CHL1: variants seen among roughly 807,000 people sequenced by gnomAD.
The protein encoded by CHL1 is neural cell adhesion molecule L1-like protein.
A neutral mutation model predicts 141.9 loss-of-function variants in CHL1; 96 were observed. The ratio of observed to expected loss-of-function variants is 0.68; its 90% CI spans 0.57 to 0.80. The LOEUF (loss-of-function observed/expected upper bound fraction) is 0.80. CHL1 is among the 30% of genes least tolerant of loss of function. CHL1 has a pLI of 0.00. For missense variants in CHL1, 1,820 were observed against 1,457.2 expected (o/e 1.25, Z -4.05); for synonymous variants, 613 against 502.2 (o/e 1.22, Z -2.95).
intron 2 of CHL1, among the ~76,000 whole-genome samples, chr3:281,353 G>A (rs1696636590): frequency 6.6e-6 from 1 of 152,062 alleles, no homozygotes; most frequent in Admixed American, 6.5e-5. Context: ...TCACATCCAA[G>A]TGCTTGGGTA....
chr3:359,656 A>G (rs557369628), intron 11 of CHL1, among the ~76,000 whole-genome samples: 2 of 152,218 alleles, frequency 1.3e-5, no homozygotes, highest in Non-Finnish European at 2.9e-5. Flanking sequence ...TACTTGGATC[A>G]GGAGTGGGGA....
chr3:282,026 A>C (rs896815986), intron 2 of CHL1, among the ~76,000 whole-genome samples: 1 of 152,262 alleles, frequency 6.6e-6, no homozygotes, highest in Non-Finnish European at 1.5e-5. Flanking sequence ...CTGATAAGGT[A>C]GAATTGATGC....
intron 2 of CHL1, among the ~76,000 whole-genome samples, chr3:315,256 A>T (rs1433050292): frequency 1.3e-5 from 2 of 152,146 alleles, no homozygotes; most frequent in African/African-American, 4.8e-5. Flanking sequence ...TGTACAGCTG[A>T]GTGAGCAGGC....
chr3:204,901 C>T (rs767130067), intron 1 of CHL1, among the ~76,000 whole-genome samples: 1 of 151,886 alleles, frequency 6.6e-6, no homozygotes, highest in Non-Finnish European at 1.5e-5. Context: ...ACATAGTGAA[C>T]AAAAAGAAAC....
At chr3:344,965 G>T (rs967459603) in intron 9 of CHL1, among the ~76,000 whole-genome samples, 1 of 151,802 alleles carries the variant, frequency 6.6e-6, no homozygotes, top group East Asian at 1.9e-4. Flanking sequence ...CTAAAACCTG[G>T]ATGACAGAGA....
At chr3:229,460 G>A (rs1559303322) in intron 1 of CHL1, among the ~76,000 whole-genome samples, 1 of 152,124 alleles carries the variant, frequency 6.6e-6, no homozygotes, top group East Asian at 1.9e-4. Context: ...ATCAGTGCAG[G>A]CAACAACCTG....
chr3:202,564 C>A (rs1325481989), intron 1 of CHL1, among the ~76,000 whole-genome samples: 1 of 152,172 alleles, frequency 6.6e-6, no homozygotes, highest in African/African-American at 2.4e-5. Context: ...GACTAGAAAT[C>A]TGGATTTTTG....
At position 407,384 on chromosome 3, in the gene CHL1, G is replaced by A. The variant is rs1235285006; in HGVS notation, c.*1673G>A. 6.6e-6 allele frequency: 1 copy of A among 152,012 alleles called. No individual in the cohort carries two copies. The highest frequency in any genetic ancestry group is 1.5e-5 in the Non-Finnish European group (1 of 68,008). 9.4% of individuals were successfully genotyped at this position (152,012 alleles called of 1,614,324 possible). On this transcript the variant is annotated 3_prime_UTR_variant, in exon 28 of 28. Coordinates refer to ENST00000256509, the MANE Select transcript of CHL1 (RefSeq NM_006614.4). ...ATCTACTTGTCCTTTTGAACCTCAC[G>A]AGTCATCCAGAATGTATAGACAGGA...
At chr3:291,147 A>G (rs1001587782) in intron 2 of CHL1, among the ~76,000 whole-genome samples, 4 of 152,012 alleles carry the variant, frequency 2.6e-5, no homozygotes, top group Non-Finnish European at 5.9e-5. Context: ...TGAGTAGTGA[A>G]CTAGTATCTC....
intron 2 of CHL1, among the ~76,000 whole-genome samples, chr3:285,239 A>G (rs181850325): frequency 1.1e-4 from 17 of 152,344 alleles, no homozygotes; most frequent in African/African-American, 3.8e-4. Context: ...TAAAGGGAAG[A>G]GATGAATTAC....
At chr3:404,787 G>C (rs1709403382) in intron 27 of CHL1, among the ~76,000 whole-genome samples, 1 of 152,172 alleles carries the variant, frequency 6.6e-6, no homozygotes, top group African/African-American at 2.4e-5. Context: ...GTTCATGACA[G>C]CAAGGGAAAT....
rs776878087 is a variant in CHL1, at chr3:399,067, C to T, written c.3304C>T (p.Leu1102=). ...DISTQGWFIG[L]MCAIALLTLL... is the part of the protein sequence containing the mutation. ...CTCCACTCAAGGCTGGTTTATTGGA[C>T]TGATGTGTGCGATTGCTCTTCTCAC... is the stretch of plus-strand genomic sequence containing the variant. Residue 1102 remains leucine, a synonymous_variant, in exon 26 of 28, where the codon CTG becomes TTG. Transcript: ENST00000256509. 5.0e-6 allele frequency: 8 copies of T among 1,609,818 alleles called. No homozygotes were observed. The South Asian group carries it at 7.7e-5, about 15-fold the overall frequency.
rs1269012692 is a variant in CHL1, at chr3:407,035, C to T, written c.*1324C>T. On this transcript the variant is annotated 3_prime_UTR_variant, in exon 28 of 28. Coordinates refer to ENST00000256509, the MANE Select transcript of CHL1 (RefSeq NM_006614.4). ...TATTCTCCTTCTGTCAAAGTCAGAA[C>T]AAATTCAGGGAATTTATTTTCTGGC... 1 of 152,054 alleles carries T rather than the reference C, an allele frequency of 6.6e-6. No individual in the cohort carries two copies. The highest frequency in any genetic ancestry group is 1.9e-4 in the East Asian group (1 of 5,174). 9.4% of individuals were successfully genotyped at this position (152,054 alleles called of 1,614,324 possible).
intron 2 of CHL1, among the ~76,000 whole-genome samples, chr3:252,388 A>ATATG: frequency 7.5e-6 from 1 of 133,760 alleles, no homozygotes; most frequent in Non-Finnish European, 1.6e-5. Context: ...ATATATATAT[A>ATATG]TATATATATA....
intron 1 of CHL1, among the ~76,000 whole-genome samples, chr3:224,714 C>G (rs188439372): frequency 2.2e-4 from 34 of 152,302 alleles, no homozygotes; most frequent in Admixed American, 1.2e-3. Context: ...TACCCGGTCT[C>G]AGGTATTTCT....
At chr3:339,837 T>A (rs1340441727) in intron 5 of CHL1, among the ~76,000 whole-genome samples, 1 of 152,164 alleles carries the variant, frequency 6.6e-6, no homozygotes, top group Non-Finnish European at 1.5e-5. Context: ...CGGTTGTGAA[T>A]CATAATTTAA....
chr3:276,795 A>G (rs1036811249), intron 2 of CHL1, among the ~76,000 whole-genome samples: 3 of 150,560 alleles, frequency 2.0e-5, no homozygotes, highest in Admixed American at 6.6e-5. Context: ...AGGCTGAGGC[A>G]GGAGAATAGC....
intron 16 of CHL1, among the ~76,000 whole-genome samples, chr3:381,925 G>T (rs1707088309): frequency 6.6e-6 from 1 of 151,802 alleles, no homozygotes; most frequent in Non-Finnish European, 1.5e-5. Flanking sequence ...CAGCTTCCTT[G>T]GCTATTGTTT....
intron 5 of CHL1, among the ~76,000 whole-genome samples, chr3:336,623 T>C (rs1015476564): frequency 1.3e-5 from 2 of 152,176 alleles, no homozygotes; most frequent in African/African-American, 4.8e-5. Context: ...GTAAAGATAT[T>C]GGTCTGAATC....
Sources: allele counts gnomAD v4.1 joint callset (sites outside exome capture counted in the v4.1 genomes callset), GRCh38; gene constraint gnomAD v4.1.1; transcripts MANE v1.5; gene names NCBI Gene and HGNC (gene_info 2026-07-23, HGNC 2026-07-21).